SYCE1: variants seen among roughly 807,000 people sequenced by gnomAD.
The protein encoded by SYCE1 is synaptonemal complex central element protein 1.
Under a neutral mutation model 55.1 loss-of-function variants are expected in SYCE1, and 37 were observed. The ratio of observed to expected loss-of-function variants is 0.67; its 90% CI spans 0.52 to 0.88. The LOEUF (loss-of-function observed/expected upper bound fraction) is 0.88, where lower values mean the gene tolerates loss of function less well. Among genes scored for constraint, SYCE1 ranks in the 40% least tolerant of loss-of-function variants. SYCE1 has a pLI of 0.00. For synonymous variants in SYCE1, 163 were observed against 159.4 expected (o/e 1.02, Z -0.17); for missense variants, 399 against 416.4 (o/e 0.96, Z 0.36).
chr10:133,556,854 G>T, intron 7 of SYCE1, 32 bp from the exon 8 acceptor site: 1 of 1,604,238 alleles, frequency 6.2e-7, no homozygotes. Flanking sequence ...GAGGGGATAT[G>T]GGCTGAAATC....
chr10:133,554,035 G>C (rs570171492), downstream of SYCE1: 1 of 356,902 alleles, frequency 2.8e-6, no homozygotes, highest in Non-Finnish European at 5.0e-6. Flanking sequence ...AAAAGCTAAA[G>C]TTCCTTCTAA....
upstream of SYCE1, chr10:133,568,169 G>C: frequency 1.0e-6 from 1 of 960,802 alleles, no homozygotes; most frequent in South Asian, 1.4e-5. Context: ...CGTGGGTCCA[G>C]CGCCCGAAGT....
At chr10:133,558,111 T>C in intron 5 of SYCE1, 56 bp downstream of exon 5, 2 of 1,608,614 alleles carry the variant, frequency 1.2e-6, no homozygotes, top group Non-Finnish European at 1.7e-6. Context: ...ATAGGGAGAG[T>C]GGGCTTCTGT....
downstream of SYCE1, chr10:133,554,340 A>AG: frequency 6.2e-7 from 1 of 1,613,862 alleles, no homozygotes; most frequent in Non-Finnish European, 8.5e-7. Context: ...TGTCAAGAAA[A>AG]GGGATCGCTT....
chr10:133,557,027 C>T, intron 7 of SYCE1, 40 bp downstream of exon 7: 6 of 1,585,928 alleles, frequency 3.8e-6, no homozygotes, highest in Non-Finnish European at 5.2e-6. Context: ...ATCCCAACTA[C>T]TGGCCATCCA....
upstream of SYCE1, among the ~76,000 whole-genome samples, chr10:133,566,756 A>C (rs937569449): frequency 1.3e-5 from 2 of 150,410 alleles, no homozygotes; most frequent in Non-Finnish European, 3.0e-5. Context: ...GATTAGGGTT[A>C]GGGGTTACAG....
upstream of SYCE1, among the ~76,000 whole-genome samples, chr10:133,565,882 C>T (rs996352425): frequency 1.3e-5 from 2 of 152,228 alleles, no homozygotes; most frequent in Non-Finnish European, 2.9e-5. Context: ...AGCGCCGAAG[C>T]TTCCTGTGAA....
chr10:133,568,012 A>AG (rs1283641624), upstream of SYCE1: 1 of 601,096 alleles, frequency 1.7e-6, no homozygotes, highest in African/African-American at 1.8e-5. Context: ...TGGGCAAGGG[A>AG]GGAAGGGGGA....
At chr10:133,558,635 A>T in intron 4 of SYCE1, 1 of 553,822 alleles carries the variant, frequency 1.8e-6, no homozygotes, top group Non-Finnish European at 3.2e-6. Context: ...AGGAAAGAGG[A>T]ACCTGTATTA....
downstream of SYCE1, chr10:133,554,594 T>C (rs766778726): frequency 1.0e-5 from 7 of 687,268 alleles, no homozygotes; most frequent in Admixed American, 4.0e-5. Context: ...GGGACTACCA[T>C]ATGGAACCGA....
intron 1 of SYCE1, among the ~76,000 whole-genome samples, chr10:133,561,478 C>T (rs1327020785): frequency 6.6e-6 from 1 of 152,138 alleles, no homozygotes; most frequent in Non-Finnish European, 1.5e-5. Flanking sequence ...TTTCTTGCTT[C>T]CAACAAGGAA....
At chr10:133,556,162 G>T (rs1347266437) in intron 8 of SYCE1, 115 bp from the exon 9 acceptor site, 43 of 1,188,588 alleles carry the variant, frequency 3.6e-5, no homozygotes, top group Non-Finnish European at 4.4e-5. Context: ...CAACAACTCT[G>T]CCCCTCTGTG....
intron 4 of SYCE1, 168 bp from the exon 5 acceptor site, chr10:133,558,382 C>T (rs748820128): frequency 2.8e-6 from 2 of 706,856 alleles, no homozygotes; most frequent in South Asian, 1.7e-5. Context: ...TCCTTGTAAG[C>T]ACCAAAGGGC....
upstream of SYCE1, among the ~76,000 whole-genome samples, chr10:133,565,826 C>T (rs1851921733): frequency 6.6e-6 from 1 of 152,246 alleles, no homozygotes; most frequent in Non-Finnish European, 1.5e-5. Flanking sequence ...AGGGGACCGG[C>T]CCTGGTTCTG....
At position 133,554,977 on chromosome 10, in the gene SYCE1, G is replaced by A; in HGVS notation, c.*15C>T. On this transcript the variant is annotated 3_prime_UTR_variant, in exon 13 of 13. Coordinates refer to ENST00000343131, the MANE Select transcript of SYCE1 (RefSeq NM_001143764.3). ...TGGGCCTGACCCCTACTCCTCACCA[G>A]TAGACTTAGCTGTATCAAAATAGCT... is the stretch of plus-strand genomic sequence containing the variant. The A allele has an allele frequency of 1.3e-6, 2 of 1,525,904 alleles. No homozygotes were observed. Among genetic ancestry groups the A allele is most frequent in the Non-Finnish European group, 1.8e-6 (2 of 1,136,406 alleles). 94.5% of individuals were successfully genotyped at this position (1,525,904 alleles called of 1,614,324 possible).
chr10:133,558,894 T>C lies in SYCE1; in HGVS notation c.254A>G (p.Gln85Arg). ...GEARTICEAL[Q>R]KELDSLHGEK... Reference sequence around the variant, plus strand: ...TCTCTTACGCGAGTCCAGTTCCTTCTGCAGGGCCTCACAGATGGTCCGGGC... The same window carrying C: ...TCTCTTACGCGAGTCCAGTTCCTTCCGCAGGGCCTCACAGATGGTCCGGGC... Residue 85 changes from glutamine to arginine, a missense_variant, in exon 4 of 13, where the codon CAG (glutamine) becomes CGG (arginine). Gln to Arg is a conservative substitution (Grantham distance 43, BLOSUM62 1). Transcript: ENST00000343131. 6.2e-7 allele frequency: 1 copy of C among 1,613,604 alleles called. No individual in the cohort carries two copies. The highest frequency in any genetic ancestry group is 2.2e-5 in the East Asian group (1 of 44,864).
Position 133,555,342 on chromosome 10 carries a change from G to A in SYCE1, c.918+9C>T. ...TTTCTGTTCCCTGACGCCCACTTCTGGGGCTTACCACATCTCCTGGGCCAG... is the reference window on the plus strand; with the variant it reads ...TTTCTGTTCCCTGACGCCCACTTCTAGGGCTTACCACATCTCCTGGGCCAG... On this transcript the variant is annotated intron_variant, in intron 12 of 12. Transcript: ENST00000343131. 1 of 1,613,802 alleles carries A rather than the reference G, an allele frequency of 6.2e-7. No individual in the cohort carries two copies. The highest frequency in any genetic ancestry group is 1.1e-5 in the South Asian group (1 of 91,056).
In SYCE1 at chr10:133,556,685, G is replaced by A. The variant is rs1246045295; in HGVS notation, c.528+74C>T. 16 of 1,478,084 alleles carry A rather than the reference G, an allele frequency of 1.1e-5. No individual in the cohort carries two copies. The African/African-American group carries it at 1.8e-4, about 17-fold the overall frequency. 91.6% of individuals were successfully genotyped at this position (1,478,084 alleles called of 1,614,324 possible). On this transcript the variant is annotated intron_variant, in intron 8 of 12. Transcript: ENST00000343131. ...GGCGACTGGTTGTGGCAGGTGAGAG[G>A]AAGAAGTGACCGTTTGGGCCTGGTG...
Position 133,560,286 on chromosome 10 carries a change from C to T in SYCE1, c.74-133G>A, listed in dbSNP as rs367877494. 2.4e-5 allele frequency: 16 copies of T among 658,470 alleles called. No individual in the cohort carries two copies. The East Asian group carries it at 3.9e-4, about 16-fold the overall frequency. 40.8% of individuals were successfully genotyped at this position (658,470 alleles called of 1,614,324 possible). ...TCTTCTTGTCCTGAGGTGGACAGTACACTAGATGAATCGGGCTCCTCCATG... is the reference window on the plus strand; with the variant it reads ...TCTTCTTGTCCTGAGGTGGACAGTATACTAGATGAATCGGGCTCCTCCATG... On this transcript the variant is annotated intron_variant, in intron 1 of 12. Transcript: ENST00000343131.
Sources: allele counts gnomAD v4.1 joint callset (sites outside exome capture counted in the v4.1 genomes callset), GRCh38; gene constraint gnomAD v4.1.1; transcripts MANE v1.5; gene names NCBI Gene and HGNC (gene_info 2026-07-23, HGNC 2026-07-21).